Variants in OSBPL10 observed in about 807,000 individuals in gnomAD.
OSBPL10 encodes the protein oxysterol binding protein like 10.
OSBPL10 carries 49 observed loss-of-function variants against 81.7 expected under a neutral mutation model. The observed-to-expected ratio is 0.60, with a 90% CI of 0.48 to 0.76. OSBPL10 has a LOEUF of 0.76. Ranked by LOEUF, OSBPL10 falls within the 30% of genes least tolerant of loss-of-function variation. The probability of loss-of-function intolerance (pLI) is 0.00; values close to 1 mark genes in which losing one functional copy is unlikely to be tolerated. For synonymous variants in OSBPL10, 419 were observed against 383.6 expected, an observed-to-expected ratio of 1.09 and a Z score of -1.08; for missense variants, 923 against 987.8, an observed-to-expected ratio of 0.93 and a Z score of 0.88.
intron 7 of OSBPL10, 45 bp from the exon 8 acceptor site, chr3:31,684,159 C>G (rs9681442): frequency 1.9e-6 from 3 of 1,593,344 alleles, no homozygotes; most frequent in East Asian, 4.5e-5. Flanking sequence ...TGGGATTACA[C>G]GGAAAAGCTG....
At chr3:31,953,320 G>C in intron 1 of OSBPL10, among the ~76,000 whole-genome samples, 1 of 152,062 alleles carries the variant, frequency 6.6e-6, no homozygotes, top group East Asian at 1.9e-4. Context: ...GAGCCTTGCT[G>C]TGTCCAACAC....
intron 1 of OSBPL10, among the ~76,000 whole-genome samples, chr3:31,910,227 C>T (rs1285348894): frequency 2.0e-5 from 3 of 151,804 alleles, no homozygotes; most frequent in Non-Finnish European, 4.4e-5. Context: ...GATCTGCCCG[C>T]CTCAGCCTCC....
intron 4 of OSBPL10, among the ~76,000 whole-genome samples, chr3:31,783,144 T>TAC (rs1193969514): frequency 2.0e-5 from 2 of 100,658 alleles, no homozygotes; most frequent in African/African-American, 4.3e-5. Flanking sequence ...TATATATATA[T>TAC]ATACACACAC....
chr3:31,816,603 C>T (rs557093252), intron 4 of OSBPL10, among the ~76,000 whole-genome samples: 1 of 152,314 alleles, frequency 6.6e-6, no homozygotes, highest in East Asian at 1.9e-4. Context: ...GTAGCTCATG[C>T]TGTTAGTGGC....
chr3:31,991,766 T>C (rs1437737455), intron 2 of OSBPL10: 9 of 153,262 alleles, frequency 5.9e-5, no homozygotes, highest in Admixed American at 3.9e-4. Context: ...ATGCCATTTT[T>C]TGATCCTTAT....
In OSBPL10 at chr3:31,980,891, C is replaced by A. The variant is rs1229285719; in HGVS notation, c.281+8G>T. 2 of 1,559,344 alleles carry A rather than the reference C, an allele frequency of 1.3e-6. No homozygotes were observed. The highest frequency in any genetic ancestry group is 1.9e-5 in the Admixed American group (1 of 51,860). On this transcript the variant is annotated splice_region_variant and intron_variant, in intron 1 of 11. Coordinates refer to ENST00000396556, the MANE Select transcript of OSBPL10 (RefSeq NM_017784.5). ...GGCGCGCGGTGGCGCGGGCGGCTGG[C>A]GCGTTACCTGTTCTGCCAGCCCTGG...
chr3:32,016,699 C>A (rs1009911786), intron 2 of OSBPL10, among the ~76,000 whole-genome samples: 2 of 152,142 alleles, frequency 1.3e-5, no homozygotes, highest in Non-Finnish European at 2.9e-5. Context: ...AAAGCTAGAG[C>A]AATTGTTGAT....
chr3:31,983,765 G>A (rs1206100243), upstream of OSBPL10, among the ~76,000 whole-genome samples: 2 of 152,176 alleles, frequency 1.3e-5, no homozygotes, highest in East Asian at 3.9e-4. Flanking sequence ...TAGGGAAAAG[G>A]TACCTGCAGA....
chr3:31,702,573 A>T, intron 6 of OSBPL10, 65 bp from the exon 7 acceptor site: 1 of 1,596,700 alleles, frequency 6.3e-7, no homozygotes, highest in African/African-American at 1.3e-5. Context: ...AAAGTGTATG[A>T]ATTCACATGC....
At chr3:32,070,563 T>G (rs1470462325) in intron 1 of OSBPL10, among the ~76,000 whole-genome samples, 1 of 152,134 alleles carries the variant, frequency 6.6e-6, no homozygotes, top group Non-Finnish European at 1.5e-5. Flanking sequence ...CATTAAAACC[T>G]AATCACCCTT....
At chr3:31,785,904 C>G (rs1458308299) in intron 4 of OSBPL10, among the ~76,000 whole-genome samples, 1 of 152,136 alleles carries the variant, frequency 6.6e-6, no homozygotes, top group African/African-American at 2.4e-5. Flanking sequence ...CATAAAATGG[C>G]CACAGTTATG....
intron 5 of OSBPL10, among the ~76,000 whole-genome samples, chr3:31,745,746 C>T (rs75240811): frequency 0.075 from 11,471 of 152,166 alleles, 445 homozygotes; most frequent in African/African-American, 0.1. Flanking sequence ...CATAATCATA[C>T]CTACTTTGTA....
chr3:32,064,657 G>C (rs1183989906), intron 1 of OSBPL10, among the ~76,000 whole-genome samples: 1 of 93,750 alleles, frequency 1.1e-5, no homozygotes, highest in East Asian at 2.5e-4. Context: ...AAATAACATT[G>C]ACTCGTGATT....
intron 2 of OSBPL10, among the ~76,000 whole-genome samples, chr3:32,000,613 C>T (rs1242310533): frequency 6.6e-6 from 1 of 152,238 alleles, no homozygotes; most frequent in Non-Finnish European, 1.5e-5. Flanking sequence ...GGGCTGTTCT[C>T]AGCACGGTTT....
At chr3:32,054,945 A>G (rs1338429982) in intron 1 of OSBPL10, among the ~76,000 whole-genome samples, 6 of 152,180 alleles carry the variant, frequency 3.9e-5, no homozygotes, top group African/African-American at 1.4e-4. Flanking sequence ...CGGGTATAGG[A>G]CATTGACAGG....
At chr3:31,815,006 A>G (rs1010463371) in intron 4 of OSBPL10, among the ~76,000 whole-genome samples, 1 of 152,200 alleles carries the variant, frequency 6.6e-6, no homozygotes, top group Admixed American at 6.5e-5. Flanking sequence ...TTCCAGGCCC[A>G]GGTTTTAAGA....
chr3:31,970,434 G>C (rs932154154), intron 1 of OSBPL10, among the ~76,000 whole-genome samples: 3 of 152,180 alleles, frequency 2.0e-5, no homozygotes, highest in Admixed American at 2.0e-4. Context: ...CAACAGGAAA[G>C]GAAAAGGTAA....
intron 2 of OSBPL10, among the ~76,000 whole-genome samples, chr3:32,019,517 G>GA (rs1253337142): frequency 4.6e-5 from 7 of 152,162 alleles, no homozygotes; most frequent in African/African-American, 1.7e-4. Flanking sequence ...CTGAAGAGAG[G>GA]AGTATAATGG....
At chr3:31,977,880 T>G (rs529368119) in intron 1 of OSBPL10, among the ~76,000 whole-genome samples, 180 of 152,344 alleles carry the variant, frequency 1.2e-3, no homozygotes, top group Middle Eastern at 6.8e-3. Flanking sequence ...TTTCACATTC[T>G]CATCCAGTGA....
Sources: allele counts gnomAD v4.1 joint callset (sites outside exome capture counted in the v4.1 genomes callset), GRCh38; gene constraint gnomAD v4.1.1; transcripts MANE v1.5; gene names NCBI Gene and HGNC (gene_info 2026-07-23, HGNC 2026-07-21).